CCDC117: variants seen among roughly 807,000 people sequenced by gnomAD.
CCDC117 encodes the protein coiled-coil domain containing 117.
A neutral mutation model predicts 23.5 loss-of-function variants in CCDC117; 1 was observed. The observed-to-expected ratio is 0.04, with a 90% CI of 0.02 to 0.20. The LOEUF is 0.20. Among genes scored for constraint, CCDC117 ranks in the 10% least tolerant of loss-of-function variants. The pLI is 1.00. For missense variants in CCDC117, 383 were observed against 348.2 expected (o/e 1.10, Z -0.80); for synonymous variants, 132 against 124.8 (o/e 1.06, Z -0.39).
chr22:28,778,843 G>C (rs934239800), intron 2 of CCDC117, among the ~76,000 whole-genome samples: 1 of 152,148 alleles, frequency 6.6e-6, no homozygotes, highest in African/African-American at 2.4e-5. Context: ...AATTATCAGT[G>C]ATCTCTATTT....
chr22:28,784,987 G>T (rs766904526), intron 4 of CCDC117, among the ~76,000 whole-genome samples: 15 of 152,062 alleles, frequency 9.9e-5, no homozygotes, highest in African/African-American at 1.7e-4. Flanking sequence ...AGCCAGGATG[G>T]TCTCGATCTC....
Position 28,786,194 on chromosome 22 carries a change from A to C in CCDC117, c.708A>C (p.Gln236His). Residue 236 changes from glutamine (Q) to histidine (H), a missense_variant, in exon 5 of 5, where the codon CAA (glutamine) becomes CAC (histidine). Coordinates refer to ENST00000249064, the MANE Select transcript of CCDC117 (RefSeq NM_173510.4). ...CTAAGAACTATACAGGAGAGAGCCAAGCTAAGCATGTAGCTGCTGGCACTG... is the reference window on the plus strand; with the variant it reads ...CTAAGAACTATACAGGAGAGAGCCACGCTAAGCATGTAGCTGCTGGCACTG... ...SNTKNYTGES[Q>H]AKHVAAGTAF... The C allele has an allele frequency of 6.2e-7, 1 of 1,614,192 alleles. No individual in the cohort carries two copies. Among genetic ancestry groups the C allele is most frequent in the Non-Finnish European group, 8.5e-7 (1 of 1,180,018 alleles).
At chr22:28,774,003 G>C (rs190130877) in intron 2 of CCDC117, among the ~76,000 whole-genome samples, 1 of 152,030 alleles carries the variant, frequency 6.6e-6, no homozygotes, top group South Asian at 2.1e-4. Context: ...TGGATTTTGA[G>C]CCATGTTAAT....
At chr22:28,780,567 T>G (rs1299086072) in intron 2 of CCDC117, among the ~76,000 whole-genome samples, 3 of 152,188 alleles carry the variant, frequency 2.0e-5, no homozygotes, top group Non-Finnish European at 4.4e-5. Context: ...TCAAGTGATC[T>G]TCCCACCTCA....
chr22:28,782,859 A>C (rs1195316745), intron 3 of CCDC117, among the ~76,000 whole-genome samples: 1 of 152,200 alleles, frequency 6.6e-6, no homozygotes, highest in Non-Finnish European at 1.5e-5. Context: ...AGTGTGAGCC[A>C]CCACGCCCGG....
intron 3 of CCDC117, among the ~76,000 whole-genome samples, 181 bp from the exon 4 acceptor site, chr22:28,783,327 C>G (rs949531813): frequency 6.6e-6 from 1 of 152,164 alleles, no homozygotes; most frequent in Non-Finnish European, 1.5e-5. Context: ...AGGTGTGAGC[C>G]ACCACACCCG....
At position 28,786,100 on chromosome 22, in the gene CCDC117, C is replaced by T. The variant is rs749876500; in HGVS notation, c.614C>T (p.Ser205Phe). 2 of 1,606,564 alleles carry T rather than the reference C, an allele frequency of 1.2e-6. No homozygotes were observed. Among genetic ancestry groups the T allele is most frequent in the Non-Finnish European group, 1.7e-6 (2 of 1,178,054 alleles). ...ATTTTATGTCTTAGGAGCCGTCCTT[C>T]CATGGAGCTTGTTCTCTGGAAACCC... Reference protein sequence around the residue: ...KKMIESMSRPSMELVLWKPLP... With the variant: ...KKMIESMSRPFMELVLWKPLP... Residue 205 changes from serine (S) to phenylalanine (F), a missense_variant, in exon 5 of 5, where the codon TCC (serine) becomes TTC (phenylalanine). Coordinates refer to ENST00000249064, the MANE Select transcript of CCDC117 (RefSeq NM_173510.4).
chr22:28,785,547 T>A (rs898624385), intron 4 of CCDC117, among the ~76,000 whole-genome samples: 12 of 152,198 alleles, frequency 7.9e-5, no homozygotes, highest in African/African-American at 2.7e-4. Context: ...TCAGCATGTT[T>A]GTCCAGTGTT....
At position 28,783,606 on chromosome 22, in the gene CCDC117, A is replaced by T; in HGVS notation, c.563A>T (p.Glu188Val). The T allele has an allele frequency of 6.2e-7, 1 of 1,613,800 alleles. No homozygotes were observed. The highest frequency in any genetic ancestry group is 1.1e-5 in the South Asian group (1 of 91,060). Residue 188 changes from glutamate to valine, a missense_variant, in exon 4 of 5, where the codon GAA becomes GTA. Glu to Val is a moderately radical substitution (Grantham distance 121). Coordinates refer to ENST00000249064, the MANE Select transcript of CCDC117 (RefSeq NM_173510.4). Reference sequence around the variant, plus strand: ...ACCATGAAAACAGGTTTGAAGAGGGAATTTGATGAAGTTTTTACAAAGAAA... The same window carrying T: ...ACCATGAAAACAGGTTTGAAGAGGGTATTTGATGAAGTTTTTACAAAGAAA... ...SDTMKTGLKREFDEVFTKKMI... is the reference protein window; with the variant it reads ...SDTMKTGLKRVFDEVFTKKMI...
intron 3 of CCDC117, among the ~76,000 whole-genome samples, chr22:28,782,172 G>A (rs907850925): frequency 6.9e-6 from 1 of 145,104 alleles, no homozygotes. Flanking sequence ...TCCTGGGCTC[G>A]AGCAAGCCGC....
chr22:28,783,393 C>T, intron 3 of CCDC117, 115 bp from the exon 4 acceptor site: 4 of 960,052 alleles, frequency 4.2e-6, no homozygotes, highest in Non-Finnish European at 6.1e-6. Context: ...TGTTCTATTG[C>T]TGTATTACTT....
At chr22:28,773,559 A>G (rs537071644) in intron 1 of CCDC117, among the ~76,000 whole-genome samples, 166 bp from the exon 2 acceptor site, 20 of 152,278 alleles carry the variant, frequency 1.3e-4, no homozygotes, top group Non-Finnish European at 2.4e-4. Flanking sequence ...TGTCGGGGCA[A>G]TCCACCGTTA....
At chr22:28,782,867 CG>C (rs2031392688) in intron 3 of CCDC117, among the ~76,000 whole-genome samples, 2 of 152,180 alleles carry the variant, frequency 1.3e-5, no homozygotes, top group Admixed American at 1.3e-4. Context: ...CCACCACGCC[CG>C]GCCCCGAAGT....
Position 28,773,771 on chromosome 22 carries a change from G to T in CCDC117, c.232G>T (p.Asp78Tyr). 1 of 1,613,474 alleles carries T rather than the reference G, an allele frequency of 6.2e-7. No homozygotes were observed. Reference protein sequence around the residue: ...KKKHKREEEEDDDCPVRKKRI... With the variant: ...KKKHKREEEEYDDCPVRKKRI... ...GAAACACAAGCGAGAGGAGGAGGAG[G>T]ATGATGAGTAAGTTTCAGTGGTTGT... The change falls in exon 2 of 5, where the codon GAT (aspartate) becomes TAT (tyrosine). Residue 78 changes from aspartate to tyrosine, a missense_variant. Transcript: ENST00000249064.
In CCDC117 at chr22:28,789,083, ATAAC is replaced by A. The variant is rs1030101242; in HGVS notation, c.*2761_*2764del. On this transcript the variant is annotated 3_prime_UTR_variant, in exon 5 of 5. Transcript: ENST00000249064. ...AGGTACACATGTAAAATTTAGGAAA[ATAAC>A]TAAAGTAGGGGCTGGAACCATAAGA... 1 of 152,096 alleles carries A rather than the reference ATAAC, an allele frequency of 6.6e-6. No homozygotes were observed. Among genetic ancestry groups the A allele is most frequent in the Non-Finnish European group, 1.5e-5 (1 of 67,918 alleles). The allele number at this position is 152,096 out of a possible 1,614,324, so 9.4% of individuals were successfully genotyped here.
In CCDC117 at chr22:28,772,749, T is replaced by A; in HGVS notation, c.-101T>A. Reference sequence around the variant, plus strand: ...GCGTGACGTGGGGTCGAGAGCGGGATCCGAGGCTGGCGGGTTTTGGCAGTA... The same window carrying A: ...GCGTGACGTGGGGTCGAGAGCGGGAACCGAGGCTGGCGGGTTTTGGCAGTA... On this transcript the variant is annotated 5_prime_UTR_variant, in exon 1 of 5. Coordinates refer to ENST00000249064, the MANE Select transcript of CCDC117 (RefSeq NM_173510.4). 1.0e-6 allele frequency: 1 copy of A among 955,472 alleles called. No individual in the cohort carries two copies. Among genetic ancestry groups the A allele is most frequent in the Non-Finnish European group, 1.3e-6 (1 of 744,408 alleles). 59.2% of individuals were successfully genotyped at this position (955,472 alleles called of 1,614,324 possible). A position where few individuals can be genotyped will look rare whatever the true frequency, so the allele number is the denominator to read the frequency against.
In CCDC117 at chr22:28,772,827, G is replaced by A. The variant is rs1025105794; in HGVS notation, c.-23G>A. 1.1e-5 allele frequency: 14 copies of A among 1,223,100 alleles called. No individual in the cohort carries two copies. In the African/African-American group the frequency reaches 1.7e-4, roughly 15 times the overall value. 75.8% of individuals were successfully genotyped at this position (1,223,100 alleles called of 1,614,324 possible). Reference sequence around the variant, plus strand: ...GACGCGGGCGGCCGAGGCCGCCGTCGCAGCCTCCTCGTCTCGCCGGCTATG... The same window carrying A: ...GACGCGGGCGGCCGAGGCCGCCGTCACAGCCTCCTCGTCTCGCCGGCTATG... On this transcript the variant is annotated 5_prime_UTR_variant, in exon 1 of 5. Transcript: ENST00000249064.
At chr22:28,781,676 G>C (rs1375604657) in intron 3 of CCDC117, among the ~76,000 whole-genome samples, 1 of 150,344 alleles carries the variant, frequency 6.7e-6, no homozygotes, top group African/African-American at 2.4e-5. Context: ...ATGGAGTTTT[G>C]CTCGTTACCT....
Position 28,786,151 on chromosome 22 carries a change from C to T in CCDC117, c.665C>T (p.Pro222Leu). 1 of 1,614,046 alleles carries T rather than the reference C, an allele frequency of 6.2e-7. No homozygotes were observed. The highest frequency in any genetic ancestry group is 8.5e-7 in the Non-Finnish European group (1 of 1,179,996). The change falls in exon 5 of 5, where the codon CCA becomes CTA. Residue 222 changes from proline (P) to leucine (L), a missense_variant. Physicochemically the swap from Pro to Leu is moderately conservative, Grantham distance 98. Transcript: ENST00000249064. ...CTCCCTGAACTCCTTTCTGATAAGCCAAAGCCATCCTCTAATACTAAGAAC... is the reference window on the plus strand; with the variant it reads ...CTCCCTGAACTCCTTTCTGATAAGCTAAAGCCATCCTCTAATACTAAGAAC... ...KPLPELLSDK[P>L]KPSSNTKNYT... is the part of the protein sequence containing the mutation.
Sources: allele counts gnomAD v4.1 joint callset (sites outside exome capture counted in the v4.1 genomes callset), GRCh38; gene constraint gnomAD v4.1.1; transcripts MANE v1.5; gene names NCBI Gene and HGNC (gene_info 2026-07-23, HGNC 2026-07-21).